ADGRB1: variants seen among roughly 807,000 people sequenced by gnomAD.
The protein encoded by ADGRB1 is brain-specific angiogenesis inhibitor 1.
In ADGRB1, 36 loss-of-function variants were observed where a neutral mutation model predicts 175.7. The ratio of observed to expected loss-of-function variants is 0.20; its 90% confidence interval spans 0.16 to 0.27. The LOEUF (loss-of-function observed/expected upper bound fraction) is 0.27. ADGRB1 is among the 10% of genes least tolerant of loss of function. ADGRB1 has a pLI of 1.00. For missense variants in ADGRB1, 1,731 were observed against 2,255.3 expected (o/e 0.77, Z 4.71); for synonymous variants, 1,054 against 979.4 (o/e 1.08, Z -1.42).
intron 24 of ADGRB1, among the ~76,000 whole-genome samples, chr8:142,530,646 G>T (rs1844568913): frequency 6.6e-6 from 1 of 152,212 alleles, no homozygotes; most frequent in South Asian, 2.1e-4. Flanking sequence ...ACACTGGCCT[G>T]CCAGGCCCCG....
chr8:142,530,809 C>T (rs56897444), intron 24 of ADGRB1, among the ~76,000 whole-genome samples: 8 of 152,240 alleles, frequency 5.3e-5, no homozygotes, highest in South Asian at 2.1e-4. Flanking sequence ...AGCCTCTCCC[C>T]GCACCCCGGG....
chr8:142,488,840 C>T (rs1289986946), intron 14 of ADGRB1, among the ~76,000 whole-genome samples, 195 bp from the exon 15 acceptor site: 2 of 152,220 alleles, frequency 1.3e-5, no homozygotes, highest in Non-Finnish European at 2.9e-5. Context: ...CCTCTTCCCA[C>T]GTGGCTGTTG....
At chr8:142,526,001 T>C (rs1221286968) in intron 23 of ADGRB1, among the ~76,000 whole-genome samples, 1 of 152,100 alleles carries the variant, frequency 6.6e-6, no homozygotes, top group Admixed American at 6.5e-5. Context: ...TATTGACTGG[T>C]AGCCTGGACA....
chr8:142,540,844 C>T (rs914395938), intron 27 of ADGRB1, among the ~76,000 whole-genome samples: 2 of 151,936 alleles, frequency 1.3e-5, no homozygotes, highest in Non-Finnish European at 2.9e-5. Context: ...TGAAAATGGG[C>T]ACAGGGTGTT....
At position 142,541,929 on chromosome 8, in the gene ADGRB1, C is replaced by A; in HGVS notation, c.3707-12C>A. 6.5e-7 allele frequency: 1 copy of A among 1,534,880 alleles called. No individual in the cohort carries two copies. The highest frequency in any genetic ancestry group is 8.8e-7 in the Non-Finnish European group (1 of 1,142,808). ...ACACCTGTCCCCGCTGTCTCCCCCG[C>A]GGCCCCTGCAGTGCTGAACAAGGAC... On this transcript the variant is annotated splice_polypyrimidine_tract_variant and intron_variant, in intron 27 of 30. Transcript: ENST00000517894.
intron 1 of ADGRB1, among the ~76,000 whole-genome samples, chr8:142,461,937 T>C (rs1299038089): frequency 1.3e-5 from 2 of 152,022 alleles, no homozygotes; most frequent in African/African-American, 4.8e-5. Flanking sequence ...CCCGGGACTG[T>C]AGCGCAAGGT....
chr8:142,481,496 C>T (rs377340859), intron 10 of ADGRB1, 21 bp from the exon 11 acceptor site: 30 of 1,570,668 alleles, frequency 1.9e-5, no homozygotes, highest in South Asian at 4.6e-5. Flanking sequence ...TGAAGGCACC[C>T]GCCCTCTCTG....
At position 142,479,997 on chromosome 8, in the gene ADGRB1, G is replaced by C. The variant is rs920883612; in HGVS notation, c.1828+203G>C. On this transcript the variant is annotated intron_variant, in intron 9 of 30. Transcript: ENST00000517894. ...CAGCTGCTGTTCTGAGCACTCGCTA[G>C]GGGCTGGCACCCATGCTCAGCCCTA... is the stretch of plus-strand genomic sequence containing the variant. 2.0e-5 allele frequency among the ~76,000 whole-genome samples: 3 copies of C among 152,220 alleles called. No individual in the cohort carries two copies. The South Asian group carries it at 6.2e-4, about 31-fold the overall frequency.
intron 17 of ADGRB1, among the ~76,000 whole-genome samples, chr8:142,509,472 G>C (rs1223779617): frequency 6.6e-6 from 1 of 152,212 alleles, no homozygotes; most frequent in East Asian, 1.9e-4. Context: ...AGGCTCCTCT[G>C]GGGATAGCAG....
chr8:142,475,520 C>CG lies in ADGRB1; in HGVS notation c.836dup (p.Gly280ArgfsTer75). The CG allele has an allele frequency of 7.7e-7, 1 of 1,293,762 alleles. No homozygotes were observed. The highest frequency in any genetic ancestry group is 9.8e-7 in the Non-Finnish European group (1 of 1,019,938). The allele number at this position is 1,293,762 out of a possible 1,614,324, so 80.1% of individuals were successfully genotyped here. On this transcript the variant is annotated frameshift_variant, in exon 3 of 31. Transcript: ENST00000517894. LOFTEE classifies it high-confidence loss of function. ...TGTGGGGCGAATGCACGCGGGACTG[C>CG]GGGGGAGGCCTCCAGACGCGGACGC...
At chr8:142,503,855 A>G (rs1842738644) in intron 17 of ADGRB1, among the ~76,000 whole-genome samples, 1 of 152,048 alleles carries the variant, frequency 6.6e-6, no homozygotes, top group African/African-American at 2.4e-5. Flanking sequence ...GCCCTGACTC[A>G]GTGTGGCGGC....
rs1342260468 is a variant in ADGRB1 at position 142,543,408 on chromosome 8, G to T, written c.4419G>T (p.Arg1473=). Residue 1473 remains arginine (R), a synonymous_variant, in exon 29 of 31, where the codon CGG becomes CGT. Coordinates refer to ENST00000517894, the MANE Select transcript of ADGRB1 (RefSeq NM_001702.3). The surrounding 1 kb of genome is among the most constrained non-coding windows in gnomAD (Gnocchi z 4.4). ...ATLSVSSLER[R]KSRYAELDFE... ...CAAACCCCTTCTCCCTGCAGCGGCGGAAGTCGCGGTATGCAGAACTGGACT... is the reference window on the plus strand; with the variant it reads ...CAAACCCCTTCTCCCTGCAGCGGCGTAAGTCGCGGTATGCAGAACTGGACT... The T allele has an allele frequency of 1.2e-5, 19 of 1,613,668 alleles. No homozygotes were observed. The highest frequency in any genetic ancestry group is 1.6e-5 in the Non-Finnish European group (19 of 1,179,792).
At chr8:142,529,423 C>G (rs576992468) in intron 24 of ADGRB1, among the ~76,000 whole-genome samples, 1 of 152,068 alleles carries the variant, frequency 6.6e-6, no homozygotes, top group East Asian at 1.9e-4. Flanking sequence ...GCCCCCATAC[C>G]CCCTTGGGTG....
rs1435762356 is a variant in ADGRB1, at chr8:142,474,651, C to G, written c.785-823C>G. On this transcript the variant is annotated intron_variant, in intron 2 of 30. Coordinates refer to ENST00000517894, the MANE Select transcript of ADGRB1 (RefSeq NM_001702.3). This position sits in a 1 kb window ranked among gnomAD's most constrained non-coding sequence, Gnocchi z 5.8. ...AAGTGTTTTTGGCAGCACGAGGACC[C>G]CCCGGGAGCAGAGACTCCTGGGGCG... Among the ~76,000 whole-genome samples the G allele has an allele frequency of 2.0e-5, 3 of 152,142 alleles. No individual in the cohort carries two copies. The highest frequency in any genetic ancestry group is 4.4e-5 in the Non-Finnish European group (3 of 68,026).
chr8:142,536,902 C>T (rs1481810943), intron 25 of ADGRB1, 85 bp from the exon 26 acceptor site: 3 of 1,200,702 alleles, frequency 2.5e-6, no homozygotes, highest in African/African-American at 1.6e-5. Flanking sequence ...ACGCCCGCCC[C>T]CCCACAGGTG....
chr8:142,526,673 C>G (rs1275756542), intron 24 of ADGRB1, 46 bp downstream of exon 24: 1 of 1,550,116 alleles, frequency 6.5e-7, no homozygotes, highest in Non-Finnish European at 8.8e-7. Context: ...GAGTGCAAGA[C>G]CCAGAGCCCA....
chr8:142,529,217 C>T (rs1340235941), intron 24 of ADGRB1, among the ~76,000 whole-genome samples: 1 of 152,052 alleles, frequency 6.6e-6, no homozygotes, highest in Admixed American at 6.5e-5. Flanking sequence ...TGTGAGTGTG[C>T]ATGCATGCCA....
intron 24 of ADGRB1, among the ~76,000 whole-genome samples, chr8:142,530,054 G>A (rs535245347): frequency 2.0e-5 from 3 of 151,944 alleles, no homozygotes; most frequent in African/African-American, 4.8e-5. Flanking sequence ...GTGCAACCTG[G>A]TGTATATACA....
At chr8:142,478,461 G>T in intron 7 of ADGRB1, 101 bp downstream of exon 7, 1 of 1,324,884 alleles carries the variant, frequency 7.5e-7, no homozygotes. Context: ...ATGGGCCCCG[G>T]CATGTGACTG....
Sources: allele counts gnomAD v4.1 joint callset (sites outside exome capture counted in the v4.1 genomes callset), GRCh38; gene constraint gnomAD v4.1.1; non-coding constraint Gnocchi (gnomAD v3.1); transcripts MANE v1.5; gene names NCBI Gene and HGNC (gene_info 2026-07-23, HGNC 2026-07-21).